Variants in FARS2 observed in about 807,000 individuals in gnomAD.
FARS2 encodes phenylalanine--tRNA ligase, mitochondrial.
In FARS2, 40 loss-of-function variants were observed where a neutral mutation model predicts 46.4. The observed-to-expected ratio is 0.86, with a 90% CI of 0.67 to 1.12. FARS2 has a LOEUF of 1.12. Among genes scored for constraint, FARS2 ranks in the 50% most tolerant of loss-of-function variants. The pLI, the probability that FARS2 is intolerant of heterozygous loss-of-function variation, is 0.00. For synonymous variants in FARS2, 234 were observed against 214.9 expected (o/e 1.09, Z -0.78); for missense variants, 513 against 567.9 (o/e 0.90, Z 0.98).
intron 4 of FARS2, among the ~76,000 whole-genome samples, chr6:5,437,233 GTGTATCAAT>G (rs751053821): frequency 5.9e-5 from 9 of 152,300 alleles, no homozygotes; most frequent in Admixed American, 3.3e-4. Flanking sequence ...TGTGTGTACT[GTGTATCAAT>G]TTATTCCTTT....
intron 4 of FARS2, among the ~76,000 whole-genome samples, chr6:5,436,983 C>A (rs1233520363): frequency 1.3e-5 from 2 of 152,094 alleles, no homozygotes; most frequent in African/African-American, 4.8e-5. Context: ...ACGTATACAC[C>A]AGTGAAACCA....
chr6:5,304,845 G>A (rs58853479), intron 1 of FARS2, among the ~76,000 whole-genome samples: 3,334 of 152,256 alleles, frequency 0.022, 135 homozygotes, highest in African/African-American at 0.075. Flanking sequence ...CCTAGAATTC[G>A]GACTTTTAAA....
At chr6:5,310,769 G>T (rs1447043220) in intron 1 of FARS2, among the ~76,000 whole-genome samples, 2 of 152,124 alleles carry the variant, frequency 1.3e-5, no homozygotes, top group Non-Finnish European at 2.9e-5. Context: ...AAAACGTAAG[G>T]TCCATAGGCA....
At chr6:5,738,855 T>G (rs9504501) in intron 6 of FARS2, among the ~76,000 whole-genome samples, 9,444 of 152,252 alleles carry the variant, frequency 0.062, 940 homozygotes, top group African/African-American at 0.21. Flanking sequence ...GTCGGTTTTT[T>G]TCATTTTCTA....
In FARS2 at chr6:5,298,151, G is replaced by A. The variant is rs571824416; in HGVS notation, c.-22+36491G>A. 5.3e-5 allele frequency among the ~76,000 whole-genome samples: 8 copies of A among 152,350 alleles called. No individual in the cohort carries two copies. The South Asian group carries it at 1.4e-3, about 28-fold the overall frequency. On this transcript the variant is annotated intron_variant, in intron 1 of 6. Transcript: ENST00000274680. Reference sequence around the variant, plus strand: ...TGCATTTTCCCTCAGAGTCACAGTGGGGCTGCATGGCCTTGTGAAAATAGT... The same window carrying A: ...TGCATTTTCCCTCAGAGTCACAGTGAGGCTGCATGGCCTTGTGAAAATAGT...
At chr6:5,767,769 A>G (rs982211497) in intron 6 of FARS2, among the ~76,000 whole-genome samples, 1 of 152,232 alleles carries the variant, frequency 6.6e-6, no homozygotes, top group Non-Finnish European at 1.5e-5. Context: ...AAACTGGTGC[A>G]TAAATGTTTG....
intron 4 of FARS2, among the ~76,000 whole-genome samples, chr6:5,485,413 A>C (rs759216733): frequency 4.0e-5 from 6 of 151,440 alleles, no homozygotes; most frequent in Admixed American, 1.3e-4. Flanking sequence ...GATCCCTTAA[A>C]TACTCTAATG....
chr6:5,620,984 C>T (rs1775744446), intron 6 of FARS2, among the ~76,000 whole-genome samples: 1 of 152,234 alleles, frequency 6.6e-6, no homozygotes, highest in Non-Finnish European at 1.5e-5. Flanking sequence ...CACTTCTAGC[C>T]TTCCTTAAAC....
At chr6:5,682,845 T>C (rs1779103192) in intron 6 of FARS2, among the ~76,000 whole-genome samples, 1 of 152,114 alleles carries the variant, frequency 6.6e-6, no homozygotes, top group Non-Finnish European at 1.5e-5. Flanking sequence ...AAGGAGTGTG[T>C]GGGGCAGAGA....
intron 1 of FARS2, among the ~76,000 whole-genome samples, chr6:5,336,178 C>T (rs1370213846): frequency 6.6e-6 from 1 of 151,458 alleles, no homozygotes; most frequent in Non-Finnish European, 1.5e-5. Flanking sequence ...TTTTCAGATA[C>T]TAAAAGTATC....
In FARS2 at chr6:5,432,770, G is replaced by A. The variant is rs1370626609; in HGVS notation, c.904+1598G>A. 2.0e-5 allele frequency among the ~76,000 whole-genome samples: 3 copies of A among 151,836 alleles called. No homozygotes were observed. In the East Asian group the frequency reaches 5.8e-4, roughly 29 times the overall value. ...GCAGAATGAAGAGAGGTCCTTCTTG[G>A]TAACTAAGAAATGTGAATAGACCAT... On this transcript the variant is annotated intron_variant, in intron 4 of 6. Coordinates refer to ENST00000274680, the MANE Select transcript of FARS2 (RefSeq NM_006567.5).
Position 5,431,153 on chromosome 6 carries a change from A to G in FARS2, c.885A>G (p.Glu295=). Residue 295 remains glutamate, a synonymous_variant, in exon 4 of 7, where the codon GAA becomes GAG. Coordinates refer to ENST00000274680, the MANE Select transcript of FARS2 (RefSeq NM_006567.5). ...WLEVLGCGVM[E]QQLVNSAGAQ... ...AAGTTCTTGGCTGCGGGGTGATGGA[A>G]CAACAACTGGTCAATTCAGGTAAAA... The G allele has an allele frequency of 6.2e-7, 1 of 1,613,908 alleles. No homozygotes were observed.
chr6:5,555,149 CA>C (rs1205385018), intron 5 of FARS2, among the ~76,000 whole-genome samples: 1 of 152,056 alleles, frequency 6.6e-6, no homozygotes, highest in Non-Finnish European at 1.5e-5. Flanking sequence ...ATGGGCTTAT[CA>C]GGGGTTTCTG....
chr6:5,686,072 A>G (rs1471484199), intron 6 of FARS2, among the ~76,000 whole-genome samples: 2 of 152,186 alleles, frequency 1.3e-5, no homozygotes, highest in African/African-American at 4.8e-5. Flanking sequence ...CTGGTGGATG[A>G]TGAGATTTCA....
chr6:5,341,235 A>ATATATATATATATTT (rs1561970178), intron 1 of FARS2, among the ~76,000 whole-genome samples: 2 of 10,276 alleles, frequency 1.9e-4, no homozygotes, highest in Non-Finnish European at 4.0e-4. Flanking sequence ...ATATATATAT[A>ATATATATATATATTT]TTTTTTTTTT....
chr6:5,257,250 C>T (rs530924392), upstream of FARS2, among the ~76,000 whole-genome samples: 10 of 152,108 alleles, frequency 6.6e-5, no homozygotes, highest in South Asian at 2.1e-4. Context: ...TTCCTGTCAC[C>T]GCCCCCCCAA....
chr6:5,317,392 T>C (rs555321504), intron 1 of FARS2, among the ~76,000 whole-genome samples: 4 of 152,142 alleles, frequency 2.6e-5, no homozygotes, highest in Non-Finnish European at 5.9e-5. Flanking sequence ...GTCACTAATA[T>C]TAATATGCTA....
intron 6 of FARS2, among the ~76,000 whole-genome samples, chr6:5,615,871 A>C (rs1205994560): frequency 6.6e-6 from 1 of 151,996 alleles, no homozygotes; most frequent in African/African-American, 2.4e-5. Context: ...AACATGACTC[A>C]TCTCTTCGAT....
upstream of FARS2, chr6:5,260,587 C>T (rs1765001128): frequency 2.5e-5 from 32 of 1,303,588 alleles, 2 homozygotes; most frequent in South Asian, 3.9e-4. Context: ...CGCGTCAGCC[C>T]GCACCCCCGG....
Sources: gnomAD v4.1 joint callset for allele counts (sites outside exome capture counted in the v4.1 genomes callset) on GRCh38, gnomAD v4.1.1 for gene constraint, MANE v1.5 for transcripts, NCBI Gene and HGNC (gene_info 2026-07-23, HGNC 2026-07-21) for gene names.